Variants in LMTK3 observed in about 807,000 individuals in gnomAD.
LMTK3 encodes serine/threonine-protein kinase LMTK3.
LMTK3 carries 27 observed loss-of-function variants against 116.7 expected under a neutral mutation model. The observed-to-expected ratio is 0.23, with a 90% CI of 0.17 to 0.32. LMTK3 has a LOEUF of 0.32. Ranked by LOEUF, LMTK3 falls within the 10% of genes least tolerant of loss-of-function variation. The probability of loss-of-function intolerance (pLI) is 1.00; values close to 1 mark genes in which losing one functional copy is unlikely to be tolerated. For missense variants in LMTK3, 1,764 were observed against 2,068.5 expected (o/e 0.85, Z 2.86); for synonymous variants, 965 against 971.0 (o/e 0.99, Z 0.11).
chr19:48,501,442 C>A (rs1158114071), intron 8 of LMTK3, 36 bp downstream of exon 8: 1 of 1,612,256 alleles, frequency 6.2e-7, no homozygotes, highest in African/African-American at 1.3e-5. Flanking sequence ...GGTCAGGGCA[C>A]CCCACAGCCC....
intron 5 of LMTK3, among the ~76,000 whole-genome samples, chr19:48,504,709 G>A (rs956473924): frequency 2.6e-5 from 4 of 151,998 alleles, no homozygotes; most frequent in Non-Finnish European, 4.4e-5. Context: ...TACCACACTC[G>A]GCTAATTTTT....
chr19:48,495,505 T>C (rs1972308647), intron 11 of LMTK3, among the ~76,000 whole-genome samples: 1 of 152,362 alleles, frequency 6.6e-6, no homozygotes, highest in African/African-American at 2.4e-5. Flanking sequence ...TGACGCATCT[T>C]AGCTGCTCAT....
chr19:48,491,062 G>C lies in LMTK3; in HGVS notation c.4366+46C>G, dbSNP rs745521964. The C allele has an allele frequency of 7.9e-7, 1 of 1,266,652 alleles. No homozygotes were observed. Among genetic ancestry groups the C allele is most frequent in the East Asian group, 3.0e-5 (1 of 32,848 alleles). 78.5% of individuals were successfully genotyped at this position (1,266,652 alleles called of 1,614,324 possible). On this transcript the variant is annotated intron_variant, in intron 14 of 14. Coordinates refer to ENST00000600059, the MANE Select transcript of LMTK3 (RefSeq NM_001388485.1). The surrounding 1 kb of genome is among the most constrained non-coding windows in gnomAD (Gnocchi z 5.1). ...CAAGAAGTTGGCAGTGGAACATAGG[G>C]GGACAGAGATGGGCAGAGGAGGGGG...
chr19:48,486,682 T>C lies in LMTK3; in HGVS notation c.4367-893A>G, dbSNP rs141940541. On this transcript the variant is annotated intron_variant, in intron 14 of 14. Coordinates refer to ENST00000600059, the MANE Select transcript of LMTK3 (RefSeq NM_001388485.1). ...CTTCCCGAGTAGCTGGGACTACAGG[T>C]GCCCACGACTACGCCCGGCTAATTT... Among the ~76,000 whole-genome samples the C allele has an allele frequency of 2.4e-3, 368 of 151,006 alleles. 3 individuals are homozygous for C. Among genetic ancestry groups the C allele is most frequent in the African/African-American group, 8.5e-3 (348 of 41,126 alleles).
At chr19:48,512,665 T>C (rs1247975914), upstream of LMTK3, among the ~76,000 whole-genome samples, 1 of 150,164 alleles carries the variant, frequency 6.7e-6, no homozygotes. Flanking sequence ...CACAGAAACA[T>C]AATACATGCA....
rs1055994593 is a variant in LMTK3, at chr19:48,499,661, C to T, written c.1408G>A (p.Glu470Lys). 1 of 1,538,940 alleles carries T rather than the reference C, an allele frequency of 6.5e-7. No individual in the cohort carries two copies. Among genetic ancestry groups the T allele is most frequent in the African/African-American group, 1.4e-5 (1 of 72,256 alleles). The change falls in exon 11 of 15, where the codon GAG becomes AAG. Residue 470 changes from glutamate (E) to lysine (K), a missense_variant. By Grantham distance (56) the Glu-to-Lys change is moderately conservative (BLOSUM62 1). Transcript: ENST00000600059. ...TCGAGGTTGAGGCCGCGGCTACTCT[C>T]GGTGACCGTGAGCACATCGTCGGGG... ...ADPDDVLTVT[E>K]SSRGLNLECL... is the part of the protein sequence containing the mutation.
In LMTK3 at chr19:48,511,610, G is replaced by A; in HGVS notation, c.-34C>T. 2 of 1,002,822 alleles carry A rather than the reference G, an allele frequency of 2.0e-6. No homozygotes were observed. The highest frequency in any genetic ancestry group is 2.7e-6 in the Non-Finnish European group (2 of 728,556). 62.1% of individuals were successfully genotyped at this position (1,002,822 alleles called of 1,614,324 possible). A position where few individuals can be genotyped will look rare whatever the true frequency, so the allele number is the denominator to read the frequency against. On this transcript the variant is annotated 5_prime_UTR_variant, in exon 1 of 15. Coordinates refer to ENST00000600059, the MANE Select transcript of LMTK3 (RefSeq NM_001388485.1). ...GGATGGCAGGGAGGTGGAGGTGGTG[G>A]CGGCTGGGGAGGAGGGGGGGGCGGG...
chr19:48,487,169 A>G (rs373616268), intron 14 of LMTK3, among the ~76,000 whole-genome samples: 23 of 151,500 alleles, frequency 1.5e-4, no homozygotes, highest in Admixed American at 3.9e-4. Context: ...CAAGTAGCTG[A>G]GATTACAGAG....
chr19:48,502,957 C>T lies in LMTK3; in HGVS notation c.597G>A (p.Leu199=), dbSNP rs1414186041. 1 of 1,613,432 alleles carries T rather than the reference C, an allele frequency of 6.2e-7. No homozygotes were observed. Among genetic ancestry groups the T allele is most frequent in the Middle Eastern group, 1.7e-4 (1 of 6,056 alleles). ...QHPNVLQCLG[L]CVETLPFLLI... is the part of the protein sequence containing the mutation. ...GCAGAAACGGCAGCGTCTCCACGCA[C>T]AGACCCAGGCACTGGAGGACATTGG... is the stretch of plus-strand genomic sequence containing the variant. The change falls in exon 6 of 15, where the codon CTG becomes CTA. Residue 199 remains leucine (L), a synonymous_variant. Transcript: ENST00000600059.
Position 48,491,277 on chromosome 19 carries a change from G to T in LMTK3, c.4229-32C>A. The T allele has an allele frequency of 7.3e-7, 1 of 1,376,636 alleles. No homozygotes were observed. 85.3% of individuals were successfully genotyped at this position (1,376,636 alleles called of 1,614,324 possible). On this transcript the variant is annotated intron_variant, in intron 13 of 14. Transcript: ENST00000600059. The surrounding 1 kb of genome is among the most constrained non-coding windows in gnomAD (Gnocchi z 5.1). The stretch of plus-strand genomic sequence containing the variant: ...CAGAAGGAAAGACCGCGGTCAGGCT[G>T]CAGACACCTGCGGCACTCCCGCCCT...
chr19:48,490,984 G>A (rs764433395), intron 14 of LMTK3, 124 bp downstream of exon 14: 1 of 614,658 alleles, frequency 1.6e-6, no homozygotes, highest in Non-Finnish European at 2.4e-6. Context: ...TTGACTGAGA[G>A]GGGAGAGAGA....
chr19:48,495,630 C>T (rs1335092380), intron 11 of LMTK3, among the ~76,000 whole-genome samples: 2 of 152,232 alleles, frequency 1.3e-5, no homozygotes, highest in Admixed American at 6.5e-5. Context: ...GAGGAAGAAA[C>T]GTCCTCTGTC....
Position 48,491,116 on chromosome 19 carries a change from C to A in LMTK3, c.4358G>T (p.Arg1453Leu). 1 of 1,280,384 alleles carries A rather than the reference C, an allele frequency of 7.8e-7. No homozygotes were observed. The highest frequency in any genetic ancestry group is 9.9e-7 in the Non-Finnish European group (1 of 1,008,910). 79.3% of individuals were successfully genotyped at this position (1,280,384 alleles called of 1,614,324 possible). ...PGPPARAPDA[R>L]PAGPVEN ...GGCCGAGGATATGGTACCTGCGGGC[C>A]GGGCGTCGGGGGCCCGGGCGGGTGG... Residue 1453 changes from arginine (R) to leucine (L), a missense_variant, in exon 14 of 15, where the codon CGG (arginine) becomes CTG (leucine). Around this residue, in one of 7 missense-constraint regions of LMTK3, gnomAD observed 281 missense variants for 301.4 expected, o/e 0.93. Transcript: ENST00000600059. This position sits in a 1 kb window ranked among gnomAD's most constrained non-coding sequence, Gnocchi z 5.1.
At position 48,499,497 on chromosome 19, in the gene LMTK3, C is replaced by T; in HGVS notation, c.1572G>A (p.Leu524=). 1.4e-6 allele frequency: 2 copies of T among 1,474,146 alleles called. No homozygotes were observed. The highest frequency in any genetic ancestry group is 1.4e-5 in the African/African-American group (1 of 69,594). 91.3% of individuals were successfully genotyped at this position (1,474,146 alleles called of 1,614,324 possible). The change falls in exon 11 of 15, where the codon CTG becomes CTA. Residue 524 remains leucine (L), a synonymous_variant. Coordinates refer to ENST00000600059, the MANE Select transcript of LMTK3 (RefSeq NM_001388485.1). The part of the protein sequence containing the change: ...FYEALSTPSV[L]PVISARSPSV... ...AGGGGCTGCGGGCGCTGATGACAGG[C>T]AGCACGCTGGGCGTGGACAGCGCCT...
chr19:48,500,516 CAT>C lies in LMTK3; in HGVS notation c.1151+478_1151+479del, dbSNP rs890850240. Among the ~76,000 whole-genome samples the C allele has an allele frequency of 4.0e-5, 6 of 151,814 alleles. No individual in the cohort carries two copies. Among genetic ancestry groups the C allele is most frequent in the Admixed American group, 3.3e-4 (5 of 15,254 alleles). ...ACAGAGACCTAGAGAGAGAGGGAAA[CAT>C]AGACCCAAAAAGTGGGGCAGAGATC... On this transcript the variant is annotated intron_variant, in intron 10 of 14. Coordinates refer to ENST00000600059, the MANE Select transcript of LMTK3 (RefSeq NM_001388485.1). The surrounding 1 kb of genome is among the most constrained non-coding windows in gnomAD (Gnocchi z 4.0).
rs570985699 is a variant in LMTK3, at chr19:48,498,755, G to T, written c.2314C>A (p.Pro772Thr). 74 of 1,504,308 alleles carry T rather than the reference G, an allele frequency of 4.9e-5. No individual in the cohort carries two copies. In the South Asian group the frequency reaches 8.3e-4, roughly 17 times the overall value. 93.2% of individuals were successfully genotyped at this position (1,504,308 alleles called of 1,614,324 possible). A position where few individuals can be genotyped will look rare whatever the true frequency, so the allele number is the denominator to read the frequency against. ...CCGGGACTGGCCACGGCCGAAGGGGGGTCGGGGGACGCGGCCGGGTCCGCG... is the reference window on the plus strand; with the variant it reads ...CCGGGACTGGCCACGGCCGAAGGGGTGTCGGGGGACGCGGCCGGGTCCGCG... ...APADPAASPD[P>T]PSAVASPGSG... is the part of the protein sequence containing the mutation. The change falls in exon 11 of 15, where the codon CCC (proline) becomes ACC (threonine). Residue 772 changes from proline to threonine, a missense_variant. By Grantham distance (38) the Pro-to-Thr change is conservative. This residue lies in a region of LMTK3 where 1,028 missense variants were observed against 1,050.6 expected (regional missense o/e 0.98). Transcript: ENST00000600059.
chr19:48,496,668 C>T (rs1012970826), intron 11 of LMTK3, among the ~76,000 whole-genome samples: 2 of 151,878 alleles, frequency 1.3e-5, no homozygotes, highest in Non-Finnish European at 2.9e-5. Flanking sequence ...AGGCTGGTCT[C>T]AAACTCCTGA....
upstream of LMTK3, among the ~76,000 whole-genome samples, chr19:48,512,249 C>T (rs1271684486): frequency 6.6e-6 from 1 of 152,116 alleles, no homozygotes; most frequent in African/African-American, 2.4e-5. Flanking sequence ...GACGGGGACA[C>T]GTACACGTCA....
Position 48,497,585 on chromosome 19 carries a change from C to T in LMTK3, c.3484G>A (p.Glu1162Lys), listed in dbSNP as rs1347500653. Residue 1162 changes from glutamate to lysine, a missense_variant, in exon 11 of 15, where the codon GAG becomes AAG. Glu to Lys is a moderately conservative substitution (Grantham distance 56). Transcript: ENST00000600059. This position sits in a 1 kb window ranked among gnomAD's most constrained non-coding sequence, Gnocchi z 5.7. ...PPPEAQPRRL[E>K]PAPPRARPEV... ...GGCCTGGCTCTCGGGGGCGCTGGCT[C>T]CAGCCTCCTCGGCTGTGCCTCCGGT... The T allele has an allele frequency of 6.0e-6, 8 of 1,335,542 alleles. No homozygotes were observed. Among genetic ancestry groups the T allele is most frequent in the Non-Finnish European group, 7.7e-6 (8 of 1,043,334 alleles). 82.7% of individuals were successfully genotyped at this position (1,335,542 alleles called of 1,614,324 possible). A position where few individuals can be genotyped will look rare whatever the true frequency, so the allele number is the denominator to read the frequency against.
Sources: allele counts gnomAD v4.1 joint callset (sites outside exome capture counted in the v4.1 genomes callset), GRCh38; gene constraint gnomAD v4.1.1; regional missense constraint gnomAD v4.1.1; non-coding constraint Gnocchi (gnomAD v3.1); transcripts MANE v1.5; gene names NCBI Gene and HGNC (gene_info 2026-07-23, HGNC 2026-07-21).